TRPM3: variants seen among roughly 807,000 people sequenced by gnomAD.
TRPM3 encodes transient receptor potential cation channel subfamily M member 3, also known as long transient receptor potential channel 3.
Under a neutral mutation model 181.2 loss-of-function variants are expected in TRPM3, and 77 were observed. The observed-to-expected ratio is 0.42, with a 90% CI of 0.35 to 0.51. TRPM3 has a LOEUF of 0.51. Among genes scored for constraint, TRPM3 ranks in the 20% least tolerant of loss-of-function variants. The pLI is 0.01. For missense variants in TRPM3, 1,759 were observed against 2,196.7 expected, an observed-to-expected ratio of 0.80 and a Z score of 3.98; for synonymous variants, 745 against 796.4, an observed-to-expected ratio of 0.94 and a Z score of 1.09.
intron 1 of TRPM3, among the ~76,000 whole-genome samples, chr9:71,120,470 G>A (rs1295911301): frequency 2.6e-5 from 4 of 152,256 alleles, no homozygotes; most frequent in East Asian, 3.9e-4. Flanking sequence ...AAAGAGAAGC[G>A]CTGCAGACAC....
At chr9:70,668,936 T>C (rs2062389897) in intron 9 of TRPM3, among the ~76,000 whole-genome samples, 1 of 152,226 alleles carries the variant, frequency 6.6e-6, no homozygotes, top group Admixed American at 6.5e-5. Flanking sequence ...TATGATTCCA[T>C]AGCCCTGCTG....
At chr9:70,783,845 C>T in intron 7 of TRPM3, 1 of 1,119,252 alleles carries the variant, frequency 8.9e-7, no homozygotes, top group Non-Finnish European at 1.1e-6. Flanking sequence ...AAGGAGACCA[C>T]AGCCTATGAC....
At chr9:71,324,042 C>T (rs2089462549) in intron 1 of TRPM3, among the ~76,000 whole-genome samples, 1 of 152,092 alleles carries the variant, frequency 6.6e-6, no homozygotes, top group Non-Finnish European at 1.5e-5. Context: ...ATTCCCAATG[C>T]TCTTTGTCAT....
chr9:71,168,125 T>C (rs2076627032), intron 1 of TRPM3, among the ~76,000 whole-genome samples: 1 of 152,120 alleles, frequency 6.6e-6, no homozygotes, highest in East Asian at 1.9e-4. Flanking sequence ...TCATGACATC[T>C]TTAGTAGTAT....
At chr9:70,634,605 T>C (rs2066538924) in intron 12 of TRPM3, among the ~76,000 whole-genome samples, 1 of 152,106 alleles carries the variant, frequency 6.6e-6, no homozygotes, top group African/African-American at 2.4e-5. Flanking sequence ...ATAGCTCTCA[T>C]CTCCTTGTAG....
At chr9:71,368,628 C>T (rs921851488) in intron 1 of TRPM3, among the ~76,000 whole-genome samples, 5 of 152,060 alleles carry the variant, frequency 3.3e-5, no homozygotes, top group African/African-American at 1.2e-4. Flanking sequence ...ATATCTCCAC[C>T]CTTAATAGAG....
At chr9:70,820,357 T>A (rs1283876191) in intron 6 of TRPM3, among the ~76,000 whole-genome samples, 1 of 152,096 alleles carries the variant, frequency 6.6e-6, no homozygotes, top group Admixed American at 6.5e-5. Flanking sequence ...CAGAGCCAGG[T>A]TATGATTTGT....
At chr9:71,372,627 T>G (rs777817359) in intron 1 of TRPM3, among the ~76,000 whole-genome samples, 20 of 152,232 alleles carry the variant, frequency 1.3e-4, no homozygotes, top group Non-Finnish European at 2.8e-4. Flanking sequence ...TTTTACCATA[T>G]GCTTGTGGGC....
intron 8 of TRPM3, among the ~76,000 whole-genome samples, chr9:70,745,435 A>C (rs2074978040): frequency 1.3e-5 from 2 of 152,140 alleles, no homozygotes. Context: ...TGAGTTGAAA[A>C]ATTCTTCCTC....
In TRPM3 at chr9:71,051,601, GT is replaced by G. The variant is rs1436051691; in HGVS notation, c.177+69576del. ...GACAGAAAGTGAAAATGGCGGCGGG[GT>G]GGGGGGGTTATATAGTCTTATTGTA... On this transcript the variant is annotated intron_variant, in intron 1 of 25. Transcript: ENST00000677713. Among the ~76,000 whole-genome samples the G allele has an allele frequency of 8.0e-5, 12 of 150,778 alleles. No homozygotes were observed. In the East Asian group the frequency reaches 2.5e-3, roughly 31 times the overall value.
chr9:71,396,387 T>C (rs1364379560), intron 1 of TRPM3, among the ~76,000 whole-genome samples: 1 of 152,134 alleles, frequency 6.6e-6, no homozygotes, highest in Non-Finnish European at 1.5e-5. Flanking sequence ...TTTAACAACT[T>C]TTAAGAGTCC....
At chr9:70,841,741 G>A (rs149611565) in intron 5 of TRPM3, among the ~76,000 whole-genome samples, 2,345 of 147,138 alleles carry the variant, frequency 0.016, 30 homozygotes, top group Middle Eastern at 0.071. Context: ...TATATGGTGG[G>A]ATACTGGCCA....
chr9:70,945,449 A>G (rs1394662919), intron 1 of TRPM3, among the ~76,000 whole-genome samples: 1 of 152,208 alleles, frequency 6.6e-6, no homozygotes, highest in Admixed American at 6.5e-5. Context: ...TGTCTGTACA[A>G]TGAGCAAAAT....
At chr9:70,869,488 A>G (rs1279570948) in intron 1 of TRPM3, among the ~76,000 whole-genome samples, 1 of 151,956 alleles carries the variant, frequency 6.6e-6, no homozygotes, top group African/African-American at 2.4e-5. Flanking sequence ...TGGAGCACAC[A>G]AGCGGCATTG....
At chr9:71,203,855 A>G (rs946397520) in intron 1 of TRPM3, among the ~76,000 whole-genome samples, 1 of 152,082 alleles carries the variant, frequency 6.6e-6, no homozygotes, top group Non-Finnish European at 1.5e-5. Context: ...AATCATCATC[A>G]TCATTATCAT....
In TRPM3 at chr9:70,533,209, A is replaced by T. The variant is rs1030071835; in HGVS notation, c.*2744T>A. On this transcript the variant is annotated 3_prime_UTR_variant, in exon 26 of 26. Coordinates refer to ENST00000677713, the MANE Select transcript of TRPM3 (RefSeq NM_001366145.2). ...TGAAAATTTCTTTCCCTCACTTCCA[A>T]TCTGGCCCAGAATGAGGCCTTGGAG... 1 of 152,152 alleles carries T rather than the reference A, an allele frequency of 6.6e-6. No homozygotes were observed. Among genetic ancestry groups the T allele is most frequent in the Non-Finnish European group, 1.5e-5 (1 of 68,036 alleles). The allele number at this position is 152,152 out of a possible 1,614,324, so 9.4% of individuals were successfully genotyped here. A position where few individuals can be genotyped will look rare whatever the true frequency, so the allele number is the denominator to read the frequency against.
intron 1 of TRPM3, chr9:71,446,581 A>C (rs1407266489): frequency 6.8e-7 from 1 of 1,479,460 alleles, no homozygotes; most frequent in Admixed American, 2.1e-5. Flanking sequence ...GTTCAGCACC[A>C]TGGAAAGGGC....
At chr9:71,397,837 C>T (rs975559333) in intron 1 of TRPM3, among the ~76,000 whole-genome samples, 10 of 152,238 alleles carry the variant, frequency 6.6e-5, no homozygotes, top group East Asian at 1.9e-4. Context: ...CCTCTGAATA[C>T]ACATTAGAGA....
At chr9:70,773,724 T>C (rs1448114155) in intron 7 of TRPM3, among the ~76,000 whole-genome samples, 3 of 152,210 alleles carry the variant, frequency 2.0e-5, no homozygotes, top group Admixed American at 1.3e-4. Flanking sequence ...TTTCTCGTTC[T>C]TCATCTCCTG....
Sources: gnomAD v4.1 joint callset for allele counts (sites outside exome capture counted in the v4.1 genomes callset) on GRCh38, gnomAD v4.1.1 for gene constraint, MANE v1.5 for transcripts, NCBI Gene and HGNC (gene_info 2026-07-23, HGNC 2026-07-21) for gene names.